The following SERF2 variants were observed in gnomAD, a reference collection of about 807,000 sequenced individuals.
The protein encoded by SERF2 is gastric cancer-related protein VRG107.
A neutral mutation model predicts 10.7 loss-of-function variants in SERF2; 4 were observed. The observed-to-expected ratio is 0.37, with a 90% CI of 0.18 to 0.86. SERF2 has a LOEUF of 0.86. Among genes scored for constraint, SERF2 ranks in the 40% least tolerant of loss-of-function variants. The pLI is 0.43. For synonymous variants in SERF2, 26 were observed against 26.0 expected (o/e 1.00, Z 0.01); for missense variants, 47 against 79.1 (o/e 0.59, Z 1.54).
chr15:43,793,722 C>A lies in SERF2; in HGVS notation c.129C>A (p.Ile43=). 1 of 1,614,204 alleles carries A rather than the reference C, an allele frequency of 6.2e-7. No homozygotes were observed. The change falls in exon 3 of 3, where the codon ATC becomes ATA. Residue 43 remains isoleucine, a synonymous_variant. Coordinates refer to ENST00000249786, the MANE Select transcript of SERF2 (RefSeq NM_001018108.4). ...AAARKQRDSE[I]MQQKQKKANE... The stretch of plus-strand genomic sequence containing the variant: ...TCTCTACCCCCAGGGACTCGGAGAT[C>A]ATGCAGCAGAAGCAGAAAAAGGCAA...
chr15:43,789,477 T>C (rs2087035103), upstream of SERF2, among the ~76,000 whole-genome samples: 1 of 152,140 alleles, frequency 6.6e-6, no homozygotes, highest in Admixed American at 6.6e-5. Context: ...ATCACTTACT[T>C]CACCTCCCTA....
chr15:43,782,135 C>T (rs1158335787), intron 1 of SERF2, among the ~76,000 whole-genome samples: 6 of 151,988 alleles, frequency 3.9e-5, no homozygotes, highest in Admixed American at 6.6e-5. Context: ...GTGATCCGCC[C>T]GCCTTGGCCT....
At chr15:43,780,433 C>T (rs893577799) in intron 1 of SERF2, among the ~76,000 whole-genome samples, 32 of 152,320 alleles carry the variant, frequency 2.1e-4, no homozygotes, top group African/African-American at 6.5e-4. Context: ...TCAGCCACCG[C>T]GCCCTGCGAT....
At chr15:43,792,677 C>G in intron 1 of SERF2, 7 of 1,265,664 alleles carry the variant, frequency 5.5e-6, no homozygotes, top group Non-Finnish European at 6.3e-6. Flanking sequence ...AGCCCATCCC[C>G]CACGGAGACC....
At chr15:43,785,958 G>A (rs936809791) in intron 2 of SERF2, among the ~76,000 whole-genome samples, 3 of 151,052 alleles carry the variant, frequency 2.0e-5, no homozygotes, top group Non-Finnish European at 3.0e-5. Flanking sequence ...TGCCCGTCTC[G>A]GCCTCCCAAA....
chr15:43,779,636 A>G (rs957970159), intron 1 of SERF2, among the ~76,000 whole-genome samples: 5 of 151,876 alleles, frequency 3.3e-5, no homozygotes, highest in African/African-American at 1.2e-4. Flanking sequence ...TAACTACAGG[A>G]GCGTGCCACC....
chr15:43,789,212 G>C (rs1316122805), upstream of SERF2, among the ~76,000 whole-genome samples: 1 of 151,726 alleles, frequency 6.6e-6, no homozygotes, highest in Non-Finnish European at 1.5e-5. Flanking sequence ...ATGTTAGCTA[G>C]TAGTTATATT....
In SERF2 at chr15:43,795,040, T is replaced by A. The variant is rs369732267; in HGVS notation, c.*1267T>A. The A allele has an allele frequency of 5.2e-5, 84 of 1,601,040 alleles. No homozygotes were observed. Among genetic ancestry groups the A allele is most frequent in the Non-Finnish European group, 7.0e-5 (82 of 1,172,618 alleles). On this transcript the variant is annotated 3_prime_UTR_variant, in exon 3 of 3. Transcript: ENST00000249786. ...TTTGTTATCTGGGGATATGATGCGG[T>A]GGCGGCGGCGCCTCAAGATAAGGGG...
chr15:43,789,671 C>T (rs965373651), upstream of SERF2, among the ~76,000 whole-genome samples: 3 of 152,110 alleles, frequency 2.0e-5, no homozygotes, highest in South Asian at 2.1e-4. Context: ...ATCATCCTTG[C>T]GTGGAATCTG....
chr15:43,782,251 C>G (rs569598320), intron 1 of SERF2, among the ~76,000 whole-genome samples: 2 of 152,164 alleles, frequency 1.3e-5, no homozygotes, highest in Non-Finnish European at 2.9e-5. Flanking sequence ...CATGTACTTT[C>G]TCTCTCCATC....
intron 2 of SERF2, among the ~76,000 whole-genome samples, chr15:43,786,996 G>A (rs984617695): frequency 2.4e-4 from 21 of 87,206 alleles, no homozygotes; most frequent in African/African-American, 7.9e-4. Context: ...GCCTGGGTTC[G>A]TTTTTTTGTT....
At chr15:43,791,066 C>A (rs1345903043), upstream of SERF2, among the ~76,000 whole-genome samples, 1 of 148,830 alleles carries the variant, frequency 6.7e-6, no homozygotes, top group Non-Finnish European at 1.5e-5. Flanking sequence ...CCTTGCCCAG[C>A]CTTTCTTATT....
chr15:43,787,419 C>T (rs1344429693), upstream of SERF2, among the ~76,000 whole-genome samples: 1 of 152,128 alleles, frequency 6.6e-6, no homozygotes, highest in Non-Finnish European at 1.5e-5. Flanking sequence ...TTTTTTGAGA[C>T]AGAGTTTCAC....
chr15:43,790,003 G>A (rs147132630), upstream of SERF2, among the ~76,000 whole-genome samples: 47 of 152,162 alleles, frequency 3.1e-4, no homozygotes, highest in Admixed American at 2.9e-3. Flanking sequence ...TTAGCCGAGC[G>A]TGGTGGCACG....
At chr15:43,792,728 C>G in intron 1 of SERF2, 1 of 912,624 alleles carries the variant, frequency 1.1e-6, no homozygotes, top group Non-Finnish European at 1.6e-6. Flanking sequence ...TTGGGCCCCA[C>G]GCCGCCCCAA....
upstream of SERF2, among the ~76,000 whole-genome samples, chr15:43,788,793 T>C (rs2087028392): frequency 6.6e-6 from 1 of 151,896 alleles, no homozygotes; most frequent in African/African-American, 2.4e-5. Context: ...AGGGCCGAGG[T>C]TTCTAAATCA....
upstream of SERF2, among the ~76,000 whole-genome samples, chr15:43,787,491 G>A (rs957570580): frequency 2.0e-5 from 3 of 152,088 alleles, no homozygotes; most frequent in Admixed American, 6.5e-5. Context: ...TCTGCCTCCC[G>A]GGTTCAAGTG....
chr15:43,794,926 G>A lies in SERF2; in HGVS notation c.*1153G>A, dbSNP rs2087167632. The A allele has an allele frequency of 8.6e-7, 1 of 1,160,790 alleles. No individual in the cohort carries two copies. 71.9% of individuals were successfully genotyped at this position (1,160,790 alleles called of 1,614,324 possible). A position where few individuals can be genotyped will look rare whatever the true frequency, so the allele number is the denominator to read the frequency against. On this transcript the variant is annotated 3_prime_UTR_variant, in exon 3 of 3. Transcript: ENST00000249786. ...TCCCTGTGTGTCCTTGAGGTATTGAGCTGGGCTGGACAGCTCCCCTTGAGC... is the reference window on the plus strand; with the variant it reads ...TCCCTGTGTGTCCTTGAGGTATTGAACTGGGCTGGACAGCTCCCCTTGAGC...
chr15:43,783,996 G>C (rs1028168637), intron 1 of SERF2, among the ~76,000 whole-genome samples: 1 of 133,992 alleles, frequency 7.5e-6, no homozygotes, highest in Non-Finnish European at 1.5e-5. Flanking sequence ...TGTTGGCCAG[G>C]CTGGTCTCAA....
Sources: allele counts gnomAD v4.1 joint callset (sites outside exome capture counted in the v4.1 genomes callset), GRCh38; gene constraint gnomAD v4.1.1; transcripts MANE v1.5; gene names NCBI Gene and HGNC (gene_info 2026-07-23, HGNC 2026-07-21).